The following NHSL2 variants were observed in gnomAD, a reference collection of about 807,000 sequenced individuals.
NHSL2 encodes the protein NHS-like protein 2.
NHSL2 carries 27 observed loss-of-function variants against 53.4 expected under a neutral mutation model. The observed-to-expected ratio is 0.51, with a 90% CI of 0.37 to 0.70. The LOEUF (loss-of-function observed/expected upper bound fraction) is 0.70, where lower values mean the gene tolerates loss of function less well. Ranked by LOEUF, NHSL2 falls within the 30% of genes least tolerant of loss-of-function variation. NHSL2 has a pLI of 0.00. For synonymous variants in NHSL2, 408 were observed against 404.1 expected, an observed-to-expected ratio of 1.01 and a Z score of -0.12; for missense variants, 892 against 980.1, an observed-to-expected ratio of 0.91 and a Z score of 1.20.
chrX:71,937,349 C>A (rs773480478), intron 1 of NHSL2, among the ~76,000 whole-genome samples: 5 of 111,369 alleles, frequency 4.5e-5, no homozygotes, highest in African/African-American at 1.6e-4. Context: ...AGAGTCAAAG[C>A]GTCACCAGGA....
intron 1 of NHSL2, among the ~76,000 whole-genome samples, chrX:72,005,564 A>G (rs2042090845): frequency 8.9e-6 from 1 of 111,893 alleles, no homozygotes; most frequent in Non-Finnish European, 1.9e-5. Flanking sequence ...CTTCCAGGGG[A>G]CAGGAGAGTG....
At position 72,130,614 on chromosome X, in the gene NHSL2, T is replaced by A. The variant is rs201288494; in HGVS notation, c.281-1465T>A. ...GGATAGGCTTGGGAACGCGCACTTTTCTTTCTATCTCCACACATTCGAGAA... is the reference window on the plus strand; with the variant it reads ...GGATAGGCTTGGGAACGCGCACTTTACTTTCTATCTCCACACATTCGAGAA... On this transcript the variant is annotated intron_variant, in intron 1 of 7. Coordinates refer to ENST00000633930, the MANE Select transcript of NHSL2 (RefSeq NM_001013627.3). The A allele has an allele frequency of 6.9e-5, 84 of 1,210,038 alleles. No homozygotes were observed. In the African/African-American group the frequency reaches 1.3e-3, roughly 19 times the overall value.
chrX:72,089,138 G>A (rs1471234053), intron 1 of NHSL2, among the ~76,000 whole-genome samples: 1 of 110,704 alleles, frequency 9.0e-6, no homozygotes, highest in Non-Finnish European at 1.9e-5. Flanking sequence ...TTCTACTTGT[G>A]TCACCTTGAA....
chrX:71,932,180 T>C (rs938257603), intron 1 of NHSL2, among the ~76,000 whole-genome samples: 2 of 111,393 alleles, frequency 1.8e-5, no homozygotes, highest in Non-Finnish European at 3.8e-5. Context: ...AAGAAAATCC[T>C]TCCTGGAGAA....
rs1004147345 is a variant in NHSL2, at chrX:72,098,358, A to AGGAGG, written c.281-33721_281-33720insGGAGG. 2.7e-5 allele frequency among the ~76,000 whole-genome samples: 3 copies of AGGAGG among 112,247 alleles called. No individual in the cohort carries two copies. The Admixed American group carries it at 2.8e-4, about 11-fold the overall frequency. On this transcript the variant is annotated intron_variant, in intron 1 of 7. Coordinates refer to ENST00000633930, the MANE Select transcript of NHSL2 (RefSeq NM_001013627.3). ...CACTTTGGGAAGCCGAGACGGGTGG[A>AGGAGG]TCACGAGGTCAGGAGACCGAGACCA...
At chrX:72,019,176 G>A (rs184883500) in intron 1 of NHSL2, among the ~76,000 whole-genome samples, 2 of 112,643 alleles carry the variant, frequency 1.8e-5, no homozygotes, top group Non-Finnish European at 3.8e-5. Context: ...TGGAGGTTAC[G>A]AAGATTGGAG....
intron 1 of NHSL2, among the ~76,000 whole-genome samples, chrX:72,040,997 G>C (rs1249682144): frequency 8.9e-6 from 1 of 112,395 alleles, no homozygotes; most frequent in Non-Finnish European, 1.9e-5. Context: ...AATGATGACA[G>C]AGCGTTGGGC....
In NHSL2 at chrX:72,134,596, G is replaced by A. The variant is rs1244479639; in HGVS notation, c.652G>A (p.Asp218Asn). ...CTCCCTGAGCCTGTCTACCACAGCC[G>A]ACAAGCAAACTGCCTGGAATAGCCT... ...EASLSLSTTADKQTAWNSLFP... is the reference protein window; with the variant it reads ...EASLSLSTTANKQTAWNSLFP... Residue 218 changes from aspartate (D) to asparagine (N), a missense_variant, in exon 4 of 8, where the codon GAC (aspartate) becomes AAC (asparagine). Coordinates refer to ENST00000633930, the MANE Select transcript of NHSL2 (RefSeq NM_001013627.3). 4 of 1,166,459 alleles carry A rather than the reference G, an allele frequency of 3.4e-6. No homozygotes were observed. The highest frequency in any genetic ancestry group is 1.9e-5 in the South Asian group (1 of 52,736).
intron 1 of NHSL2, among the ~76,000 whole-genome samples, chrX:71,915,568 AG>A (rs1194388862): frequency 8.9e-6 from 1 of 112,388 alleles, no homozygotes; most frequent in African/African-American, 3.2e-5. Context: ...AATGGCTCAA[AG>A]CTCACATGGA....
At chrX:72,016,634 G>A (rs760247169) in intron 1 of NHSL2, among the ~76,000 whole-genome samples, 2 of 110,758 alleles carry the variant, frequency 1.8e-5, no homozygotes, top group Non-Finnish European at 3.8e-5. Context: ...ATGTTCAGGG[G>A]TCAAAGAACC....
At chrX:71,957,846 A>G (rs2041849982) in intron 1 of NHSL2, among the ~76,000 whole-genome samples, 1 of 111,526 alleles carries the variant, frequency 9.0e-6, no homozygotes, top group African/African-American at 3.3e-5. Context: ...ATTGGCCTCC[A>G]TCCCTGACTG....
At chrX:71,988,676 T>A (rs965794540) in intron 1 of NHSL2, among the ~76,000 whole-genome samples, 17 of 111,467 alleles carry the variant, frequency 1.5e-4, no homozygotes, top group African/African-American at 5.6e-4. Flanking sequence ...TGCAGACTAT[T>A]TCCTTTGGGT....
chrX:72,116,787 A>G (rs868025342), intron 1 of NHSL2, among the ~76,000 whole-genome samples: 1 of 109,274 alleles, frequency 9.2e-6, no homozygotes, highest in Non-Finnish European at 1.9e-5. Context: ...GAGGACAGCT[A>G]GGGGGTGCTC....
chrX:72,004,225 T>C (rs2042083685), intron 1 of NHSL2, among the ~76,000 whole-genome samples: 1 of 111,634 alleles, frequency 9.0e-6, no homozygotes, highest in Non-Finnish European at 1.9e-5. Flanking sequence ...GACTGTGGCA[T>C]TATGAAGTGG....
chrX:71,950,680 C>G (rs1476285265), intron 1 of NHSL2, among the ~76,000 whole-genome samples: 1 of 112,335 alleles, frequency 8.9e-6, no homozygotes, highest in Non-Finnish European at 1.9e-5. Context: ...TCTGCTCCCA[C>G]TTGTGACATG....
intron 2 of NHSL2, 40 bp downstream of exon 2, chrX:72,132,274 C>G (rs1338452110): frequency 9.1e-6 from 10 of 1,100,215 alleles, no homozygotes; most frequent in Non-Finnish European, 1.2e-5. Flanking sequence ...AGCCCAGAAG[C>G]GAGATGCGCA....
intron 1 of NHSL2, among the ~76,000 whole-genome samples, chrX:72,022,830 G>T (rs1017897910): frequency 1.9e-4 from 21 of 111,471 alleles, no homozygotes; most frequent in Admixed American, 5.7e-4. Context: ...TGCTGCTTCA[G>T]ATCACCCCAC....
At chrX:71,998,114 C>T (rs1045169634) in intron 1 of NHSL2, among the ~76,000 whole-genome samples, 2 of 111,709 alleles carry the variant, frequency 1.8e-5, no homozygotes, top group African/African-American at 6.5e-5. Context: ...TAAAAGCATT[C>T]GTTCATCCAT....
intron 1 of NHSL2, among the ~76,000 whole-genome samples, chrX:72,093,856 G>A (rs916717799): frequency 2.8e-5 from 3 of 108,211 alleles, no homozygotes; most frequent in Non-Finnish European, 3.8e-5. Context: ...ATCTCAGCTC[G>A]CTGCAGCCTC....
Sources: allele counts gnomAD v4.1 joint callset (sites outside exome capture counted in the v4.1 genomes callset), GRCh38; gene constraint gnomAD v4.1.1; transcripts MANE v1.5; gene names NCBI Gene and HGNC (gene_info 2026-07-23, HGNC 2026-07-21).